Variants in GRM8 observed in about 807,000 individuals in gnomAD.
GRM8 encodes the protein glutamate metabotropic receptor 8.
A neutral mutation model predicts 87.2 loss-of-function variants in GRM8; 47 were observed. The ratio of observed to expected loss-of-function variants is 0.54; its 90% confidence interval spans 0.43 to 0.69. The LOEUF (loss-of-function observed/expected upper bound fraction) is 0.69, where lower values mean the gene tolerates loss of function less well. Ranked by LOEUF, GRM8 falls within the 30% of genes least tolerant of loss-of-function variation. The pLI is 0.00. For synonymous variants in GRM8, 396 were observed against 404.5 expected (o/e 0.98, Z 0.25); for missense variants, 1,019 against 1,139.2 (o/e 0.89, Z 1.52).
rs200346367 is a variant in GRM8 at position 126,966,295 on chromosome 7, C to G, written c.728-61612G>C. Among the ~76,000 whole-genome samples the G allele has an allele frequency of 3.7e-4, 57 of 152,116 alleles. 2 individuals carry two copies. The East Asian group carries it at 9.9e-3, about 26-fold the overall frequency. The stretch of plus-strand genomic sequence containing the variant: ...GACTACAGGCATGTACCACCACACC[C>G]AGTTAATTTTTGTATTTTTAGTAGA... On this transcript the variant is annotated intron_variant, in intron 3 of 10. Transcript: ENST00000339582.
At chr7:126,973,240 C>T (rs1458340025) in intron 3 of GRM8, among the ~76,000 whole-genome samples, 1 of 152,154 alleles carries the variant, frequency 6.6e-6, no homozygotes, top group Non-Finnish European at 1.5e-5. Flanking sequence ...TAACACATCC[C>T]CAGAGGATGC....
chr7:127,130,731 C>T (rs1425890792), intron 2 of GRM8, among the ~76,000 whole-genome samples: 2 of 152,016 alleles, frequency 1.3e-5, no homozygotes. Context: ...CATTATAATC[C>T]CCAAGAGTGA....
At chr7:126,746,646 C>T (rs1009482111) in intron 7 of GRM8, among the ~76,000 whole-genome samples, 1 of 151,596 alleles carries the variant, frequency 6.6e-6, no homozygotes, top group African/African-American at 2.4e-5. Context: ...ACCAAACAAT[C>T]CATTTGATGA....
At chr7:126,830,484 G>T (rs925514750) in intron 6 of GRM8, among the ~76,000 whole-genome samples, 1 of 152,264 alleles carries the variant, frequency 6.6e-6, no homozygotes, top group African/African-American at 2.4e-5. Flanking sequence ...CTGTCTTCCA[G>T]TTGATCTCAT....
intron 3 of GRM8, among the ~76,000 whole-genome samples, chr7:127,074,116 GC>G (rs1822013291): frequency 6.6e-6 from 1 of 152,168 alleles, no homozygotes; most frequent in Admixed American, 6.5e-5. Context: ...AGCCCAGATG[GC>G]AATACAATAG....
chr7:126,543,984 G>T (rs1816840387), intron 8 of GRM8, among the ~76,000 whole-genome samples: 2 of 152,142 alleles, frequency 1.3e-5, no homozygotes, highest in African/African-American at 4.8e-5. Context: ...AAATTTAGGG[G>T]CCTTGGTTAC....
At chr7:126,666,003 T>C (rs1805724544) in intron 7 of GRM8, among the ~76,000 whole-genome samples, 1 of 152,118 alleles carries the variant, frequency 6.6e-6, no homozygotes, top group Admixed American at 6.5e-5. Context: ...AGCCTCCTTA[T>C]TTCTTTCTTC....
At chr7:126,513,380 A>C (rs1426672306) in intron 9 of GRM8, among the ~76,000 whole-genome samples, 1 of 152,118 alleles carries the variant, frequency 6.6e-6, no homozygotes, top group Non-Finnish European at 1.5e-5. Flanking sequence ...ATATTTCACC[A>C]AAGGCTGGTG....
chr7:126,681,133 A>G (rs575184810), intron 7 of GRM8, among the ~76,000 whole-genome samples: 1 of 152,302 alleles, frequency 6.6e-6, no homozygotes, highest in South Asian at 2.1e-4. Flanking sequence ...CTTAATCCCT[A>G]TATTTATTAG....
chr7:126,565,589 C>CTTAA (rs1184884179), intron 8 of GRM8, among the ~76,000 whole-genome samples: 4 of 151,764 alleles, frequency 2.6e-5, no homozygotes, highest in Admixed American at 6.6e-5. Context: ...GATTAGAAGG[C>CTTAA]TTAATATTGT....
At chr7:126,664,464 A>G (rs1045247279) in intron 7 of GRM8, among the ~76,000 whole-genome samples, 1 of 152,028 alleles carries the variant, frequency 6.6e-6, no homozygotes, top group Non-Finnish European at 1.5e-5. Flanking sequence ...ACAGAATAGG[A>G]AACCCAGAAA....
At chr7:126,728,067 A>G (rs1348639009) in intron 7 of GRM8, among the ~76,000 whole-genome samples, 1 of 152,142 alleles carries the variant, frequency 6.6e-6, no homozygotes, top group Non-Finnish European at 1.5e-5. Context: ...AAATGCCAGG[A>G]AGAAAATTGT....
chr7:127,008,616 C>G (rs1160047439), intron 3 of GRM8, among the ~76,000 whole-genome samples: 1 of 151,960 alleles, frequency 6.6e-6, no homozygotes, highest in African/African-American at 2.4e-5. Flanking sequence ...TTTACCTAAG[C>G]CTTGTTTTTG....
intron 6 of GRM8, among the ~76,000 whole-genome samples, chr7:126,863,006 G>A (rs918278134): frequency 1.8e-4 from 28 of 151,852 alleles, no homozygotes; most frequent in African/African-American, 6.8e-4. Context: ...ACTTTCATTA[G>A]AGGTTCTCTG....
intron 3 of GRM8, among the ~76,000 whole-genome samples, chr7:127,083,889 C>T (rs1166634069): frequency 6.6e-6 from 1 of 152,088 alleles, no homozygotes; most frequent in Non-Finnish European, 1.5e-5. Context: ...TAAGTAACAC[C>T]CCCTCTAGAC....
chr7:127,040,280 T>C (rs1818301562), intron 3 of GRM8, among the ~76,000 whole-genome samples: 1 of 152,036 alleles, frequency 6.6e-6, no homozygotes, highest in Admixed American at 6.5e-5. Flanking sequence ...AGAGCAGAGC[T>C]GTTGGGTTTG....
At chr7:126,604,115 T>C (rs568167317) in intron 8 of GRM8, among the ~76,000 whole-genome samples, 1 of 152,146 alleles carries the variant, frequency 6.6e-6, no homozygotes, top group East Asian at 1.9e-4. Context: ...TACATACATA[T>C]AGCATGTATA....
At chr7:126,817,203 TA>T (rs58848496) in intron 6 of GRM8, among the ~76,000 whole-genome samples, 10,445 of 152,144 alleles carry the variant, frequency 0.069, 1,141 homozygotes, top group African/African-American at 0.23. Context: ...ATTACTTCTA[TA>T]TTTTTGACAA....
At chr7:126,600,166 G>T (rs1381710837) in intron 8 of GRM8, among the ~76,000 whole-genome samples, 1 of 152,058 alleles carries the variant, frequency 6.6e-6, no homozygotes, top group South Asian at 2.1e-4. Context: ...ATCTGTACCT[G>T]TATAATTATG....
Sources: gnomAD v4.1 joint callset for allele counts (sites outside exome capture counted in the v4.1 genomes callset) on GRCh38, gnomAD v4.1.1 for gene constraint, MANE v1.5 for transcripts, NCBI Gene and HGNC (gene_info 2026-07-23, HGNC 2026-07-21) for gene names.